The following MPPED1 variants were observed in gnomAD, a reference collection of about 807,000 sequenced individuals.
MPPED1 encodes the protein metallophosphoesterase domain-containing protein 1.
MPPED1 carries 16 observed loss-of-function variants against 36.2 expected under a neutral mutation model. That is an observed-to-expected ratio of 0.44 (90% CI 0.30 to 0.67). MPPED1 has a LOEUF of 0.67. Among genes scored for constraint, MPPED1 ranks in the 30% least tolerant of loss-of-function variants. The pLI is 0.10. For missense variants in MPPED1, 307 were observed against 453.4 expected, an observed-to-expected ratio of 0.68 and a Z score of 2.93; for synonymous variants, 199 against 191.3, an observed-to-expected ratio of 1.04 and a Z score of -0.33.
At chr22:43,472,788 C>T (rs1360818115) in intron 3 of MPPED1, among the ~76,000 whole-genome samples, 1 of 152,186 alleles carries the variant, frequency 6.6e-6, no homozygotes, top group Non-Finnish European at 1.5e-5. Flanking sequence ...CCATAGGGCA[C>T]GTGGTTAGAC....
At chr22:43,435,364 C>A in intron 3 of MPPED1, 149 bp downstream of exon 3, 1 of 781,242 alleles carries the variant, frequency 1.3e-6, no homozygotes, top group Non-Finnish European at 2.0e-6. Context: ...CCTGACCTCT[C>A]AGAGCAGGTG....
At position 43,474,562 on chromosome 22, in the gene MPPED1, C is replaced by T. The variant is rs996862954; in HGVS notation, c.407-174C>T. ...TGCTGTGTGTCTGTCTGTGTCCACCCCTGCAGGCAGCCTGCCCTATGAGTA... is the reference window on the plus strand; with the variant it reads ...TGCTGTGTGTCTGTCTGTGTCCACCTCTGCAGGCAGCCTGCCCTATGAGTA... On this transcript the variant is annotated intron_variant, in intron 3 of 6. Coordinates refer to ENST00000443721, the MANE Select transcript of MPPED1 (RefSeq NM_001044370.2). This position sits in a 1 kb window ranked among gnomAD's most constrained non-coding sequence, Gnocchi z 5.2. Among the ~76,000 whole-genome samples, 5 of 152,090 alleles carry T rather than the reference C, an allele frequency of 3.3e-5. No individual in the cohort carries two copies. Among genetic ancestry groups the T allele is most frequent in the African/African-American group, 1.2e-4 (5 of 41,442 alleles).
chr22:43,488,538 C>T (rs936066315), intron 4 of MPPED1, among the ~76,000 whole-genome samples: 6 of 152,174 alleles, frequency 3.9e-5, no homozygotes, highest in East Asian at 3.9e-4. Flanking sequence ...CTTAATTAGA[C>T]GGGACTCGAA....
At chr22:43,498,405 C>T (rs1174973618) in intron 5 of MPPED1, 55 bp downstream of exon 5, 1 of 1,403,128 alleles carries the variant, frequency 7.1e-7, no homozygotes, top group Non-Finnish European at 9.7e-7. Flanking sequence ...GGTGGGTGGG[C>T]TCTGGGATGG....
At chr22:43,460,250 A>AAAAC (rs375393069) in intron 3 of MPPED1, among the ~76,000 whole-genome samples, 1 of 62,950 alleles carries the variant, frequency 1.6e-5, no homozygotes, top group African/African-American at 4.8e-5. Flanking sequence ...AACAAAAACA[A>AAAAC]AAACAAACCC....
chr22:43,450,729 T>TC (rs1289607420), intron 3 of MPPED1, among the ~76,000 whole-genome samples: 4 of 151,686 alleles, frequency 2.6e-5, no homozygotes, highest in South Asian at 4.2e-4. Context: ...TAGACTTTTT[T>TC]TTTCTTTCTT....
intron 4 of MPPED1, among the ~76,000 whole-genome samples, chr22:43,486,520 A>C (rs1931916740): frequency 6.6e-6 from 1 of 152,064 alleles, no homozygotes. Flanking sequence ...GGAAAATGTC[A>C]CACCCCTGCT....
intron 5 of MPPED1, among the ~76,000 whole-genome samples, chr22:43,499,315 T>TGGC: frequency 9.2e-6 from 1 of 108,408 alleles, no homozygotes; most frequent in Non-Finnish European, 2.0e-5. Flanking sequence ...GTGATAGAAG[T>TGGC]GGTGACGTGG....
intron 3 of MPPED1, among the ~76,000 whole-genome samples, chr22:43,445,056 G>A (rs1342867728): frequency 6.6e-6 from 1 of 152,208 alleles, no homozygotes; most frequent in Non-Finnish European, 1.5e-5. Context: ...GGGCCAAAGT[G>A]AAGAAGGTAA....
chr22:43,495,504 AGGTGGT>A (rs1433367373), intron 4 of MPPED1, among the ~76,000 whole-genome samples: 11 of 9,536 alleles, frequency 1.2e-3, no homozygotes, highest in Admixed American at 3.8e-3. Context: ...GTGGTGGTGG[AGGTGGT>A]GGTGGTGGTG....
chr22:43,420,821 TC>T (rs1432274211), intron 1 of MPPED1, among the ~76,000 whole-genome samples: 1 of 152,180 alleles, frequency 6.6e-6, no homozygotes, highest in Non-Finnish European at 1.5e-5. Flanking sequence ...TACTTTATTG[TC>T]CCCCCTCCAC....
rs1932823685 is a variant in MPPED1, at chr22:43,506,735, C to T, written c.*1119C>T. 1 of 152,066 alleles carries T rather than the reference C, an allele frequency of 6.6e-6. No homozygotes were observed. Among genetic ancestry groups the T allele is most frequent in the Non-Finnish European group, 1.5e-5 (1 of 68,040 alleles). The allele number at this position is 152,066 out of a possible 1,614,324, so 9.4% of individuals were successfully genotyped here. On this transcript the variant is annotated 3_prime_UTR_variant, in exon 7 of 7. Coordinates refer to ENST00000443721, the MANE Select transcript of MPPED1 (RefSeq NM_001044370.2). ...CTTCTTTTTCTTCTTTGAATTAGGA[C>T]TGGAGGGGGTGGGGCCAGGGCGGTG...
intron 5 of MPPED1, among the ~76,000 whole-genome samples, chr22:43,501,982 A>G (rs1484224819): frequency 1.3e-5 from 2 of 152,062 alleles, no homozygotes; most frequent in Admixed American, 6.6e-5. Context: ...AGGGGCCGCC[A>G]TGAACCCTAA....
At chr22:43,469,398 A>G (rs1931285735) in intron 3 of MPPED1, among the ~76,000 whole-genome samples, 1 of 134,376 alleles carries the variant, frequency 7.4e-6, no homozygotes, top group African/African-American at 2.8e-5. Context: ...GTTTAGATGG[A>G]GGGTTGTGAT....
chr22:43,486,087 G>C (rs1007722765), intron 4 of MPPED1, among the ~76,000 whole-genome samples: 4 of 152,248 alleles, frequency 2.6e-5, no homozygotes, highest in Admixed American at 2.6e-4. Context: ...GAGGAAGTTC[G>C]GACAGTGGGA....
At chr22:43,417,362 T>C (rs1232342714) in intron 1 of MPPED1, among the ~76,000 whole-genome samples, 1 of 152,158 alleles carries the variant, frequency 6.6e-6, no homozygotes, top group Non-Finnish European at 1.5e-5. Context: ...AACACAAAGG[T>C]CTGTCATTTT....
intron 3 of MPPED1, among the ~76,000 whole-genome samples, chr22:43,452,440 T>C (rs989213022): frequency 1.3e-5 from 2 of 152,088 alleles, no homozygotes; most frequent in African/African-American, 4.8e-5. Flanking sequence ...GCTGCCTGTG[T>C]GTGTCTCCCT....
At chr22:43,419,512 G>A (rs539759516) in intron 1 of MPPED1, among the ~76,000 whole-genome samples, 1 of 152,286 alleles carries the variant, frequency 6.6e-6, no homozygotes, top group African/African-American at 2.4e-5. Flanking sequence ...CTGCATGACT[G>A]AGCCGGGCCT....
Position 43,425,109 on chromosome 22 carries a change from C to G in MPPED1, c.124C>G (p.Arg42Gly), listed in dbSNP as rs778816563. The change falls in exon 2 of 7, where the codon CGG becomes GGG. Residue 42 changes from arginine (R) to glycine (G), a missense_variant. Arg to Gly is a moderately radical substitution (Grantham distance 125, BLOSUM62 -2). This residue lies in a region of MPPED1 where 169 missense variants were observed against 212.3 expected (regional missense o/e 0.80). Transcript: ENST00000443721. ...GGCCGCTCGGCGGCACCAGCACAGC[C>G]GGCTCATCATCGAGGTGGACGAGTA... Reference protein sequence around the residue: ...VMAARRHQHSRLIIEVDEYSS... With the variant: ...VMAARRHQHSGLIIEVDEYSS... 6.2e-7 allele frequency: 1 copy of G among 1,613,828 alleles called. No individual in the cohort carries two copies. Among genetic ancestry groups the G allele is most frequent in the Non-Finnish European group, 8.5e-7 (1 of 1,179,894 alleles).
Sources: gnomAD v4.1 joint callset for allele counts (sites outside exome capture counted in the v4.1 genomes callset) on GRCh38, gnomAD v4.1.1 for gene constraint, gnomAD v4.1.1 regional missense constraint, Gnocchi (gnomAD v3.1) non-coding constraint, MANE v1.5 for transcripts, NCBI Gene and HGNC (gene_info 2026-07-23, HGNC 2026-07-21) for gene names.